The following ZNF521 variants were observed in gnomAD, a reference collection of about 807,000 sequenced individuals.
ZNF521 encodes LYST-interacting protein 3.
ZNF521 carries 14 observed loss-of-function variants against 105.5 expected under a neutral mutation model. The observed-to-expected ratio is 0.13, with a 90% CI of 0.09 to 0.21. The LOEUF (loss-of-function observed/expected upper bound fraction) is 0.21, where lower values mean the gene tolerates loss of function less well. Among genes scored for constraint, ZNF521 ranks in the 10% least tolerant of loss-of-function variants. The pLI is 1.00. For synonymous variants in ZNF521, 635 were observed against 606.0 expected (o/e 1.05, Z -0.70); for missense variants, 1,233 against 1,629.7 (o/e 0.76, Z 4.19).
In ZNF521 at chr18:25,226,101, G is replaced by C; in HGVS notation, c.1817C>G (p.Pro606Arg). The C allele has an allele frequency of 6.2e-7, 1 of 1,614,172 alleles. No homozygotes were observed. Among genetic ancestry groups the C allele is most frequent in the Non-Finnish European group, 8.5e-7 (1 of 1,180,038 alleles). ...HNGKKSRALSPLSPVAIEQTS... is the reference protein window; with the variant it reads ...HNGKKSRALSRLSPVAIEQTS... ...CTGCTCTATGGCCACAGGAGATAGG[G>C]GGCTTAAGGCCCTGGATTTCTTCCC... The change falls in exon 4 of 8, where the codon CCC becomes CGC. Residue 606 changes from proline (P) to arginine (R), a missense_variant. Coordinates refer to ENST00000361524, the MANE Select transcript of ZNF521 (RefSeq NM_015461.3). This position sits in a 1 kb window ranked among gnomAD's most constrained non-coding sequence, Gnocchi z 4.1.
chr18:25,227,596 C>T lies in ZNF521; in HGVS notation c.322G>A (p.Gly108Arg). 6.2e-7 allele frequency: 1 copy of T among 1,614,120 alleles called. No individual in the cohort carries two copies. Among genetic ancestry groups the T allele is most frequent in the Non-Finnish European group, 8.5e-7 (1 of 1,180,012 alleles). ...AGCCCAGGGCCACCTTCTTCCTCTCCAAAATCGCAACCTTCTCCATGGCTA... is the reference window on the plus strand; with the variant it reads ...AGCCCAGGGCCACCTTCTTCCTCTCTAAAATCGCAACCTTCTCCATGGCTA... ...SPSHGEGCDF[G>R]EEEGGPGLPY... is the part of the protein sequence containing the mutation. The change falls in exon 4 of 8, where the codon GGA becomes AGA. Residue 108 changes from glycine (G) to arginine (R), a missense_variant. This residue lies in a region of ZNF521 where 85 missense variants were observed against 162.2 expected (regional missense o/e 0.52). Coordinates refer to ENST00000361524, the MANE Select transcript of ZNF521 (RefSeq NM_015461.3). This position sits in a 1 kb window ranked among gnomAD's most constrained non-coding sequence, Gnocchi z 5.7.
rs539782409 is a variant in ZNF521 at position 25,320,225 on chromosome 18, T to C, written c.220+1783A>G. Among the ~76,000 whole-genome samples, 47 of 152,308 alleles carry C rather than the reference T, an allele frequency of 3.1e-4. No individual in the cohort carries two copies. The South Asian group carries it at 9.6e-3, about 31-fold the overall frequency. The stretch of plus-strand genomic sequence containing the variant: ...TTCGTTCTTGTTGCCCAGGCTGGAC[T>C]GCAATGGCGTGATCTCAGCTCACTG... On this transcript the variant is annotated intron_variant, in intron 3 of 7. Coordinates refer to ENST00000361524, the MANE Select transcript of ZNF521 (RefSeq NM_015461.3).
At chr18:25,110,580 A>C (rs2144296472) in intron 5 of ZNF521, among the ~76,000 whole-genome samples, 1 of 152,178 alleles carries the variant, frequency 6.6e-6, no homozygotes, top group South Asian at 2.1e-4. Context: ...TTGTATCCTC[A>C]AATAATTCAA....
chr18:25,077,489 C>G (rs779313212), intron 7 of ZNF521, among the ~76,000 whole-genome samples: 17 of 151,934 alleles, frequency 1.1e-4, no homozygotes, highest in Non-Finnish European at 1.9e-4. Context: ...CGCGTGCCCC[C>G]CACATAGCAG....
rs776855668 is a variant in ZNF521, at chr18:25,227,057, G to A, written c.861C>T (p.His287=). ...DRAALQCVYC[H]ELFVEETSLM... The stretch of plus-strand genomic sequence containing the variant: ...GGGAGGTCTCCTCTACGAAGAGCTC[G>A]TGGCAGTAGACACACTGGAGGGCCG... Residue 287 remains histidine, a synonymous_variant, in exon 4 of 8, where the codon CAC becomes CAT. Coordinates refer to ENST00000361524, the MANE Select transcript of ZNF521 (RefSeq NM_015461.3). This position sits in a 1 kb window ranked among gnomAD's most constrained non-coding sequence, Gnocchi z 5.7. 95 of 1,614,030 alleles carry A rather than the reference G, an allele frequency of 5.9e-5. No homozygotes were observed. Among genetic ancestry groups the A allele is most frequent in the Middle Eastern group, 1.6e-4 (1 of 6,084 alleles).
intron 4 of ZNF521, among the ~76,000 whole-genome samples, chr18:25,197,363 C>A (rs761588840): frequency 8.6e-5 from 13 of 151,762 alleles, no homozygotes; most frequent in Admixed American, 2.0e-4. Context: ...TCACATTTCC[C>A]AAATACAAAG....
At chr18:25,272,699 G>A (rs760839463) in intron 3 of ZNF521, among the ~76,000 whole-genome samples, 19 of 151,942 alleles carry the variant, frequency 1.3e-4, no homozygotes, top group Non-Finnish European at 2.4e-4. Flanking sequence ...AGTCACAAGC[G>A]GGAGTTGTAC....
At chr18:25,350,041 G>A (rs1242842611) in intron 2 of ZNF521, among the ~76,000 whole-genome samples, 1 of 151,256 alleles carries the variant, frequency 6.6e-6, no homozygotes, top group African/African-American at 2.4e-5. Context: ...GGCGGCCGAG[G>A]AGGAGGAGGA....
At chr18:25,181,369 C>T (rs960177632) in intron 5 of ZNF521, among the ~76,000 whole-genome samples, 7 of 152,130 alleles carry the variant, frequency 4.6e-5, no homozygotes, top group Admixed American at 6.5e-5. Context: ...GCCTGGCCCA[C>T]ACAAACCATA....
chr18:25,160,560 A>G (rs1281553547), intron 5 of ZNF521, among the ~76,000 whole-genome samples: 1 of 152,210 alleles, frequency 6.6e-6, no homozygotes, highest in African/African-American at 2.4e-5. Flanking sequence ...CCACTCATTC[A>G]GATGAATTTT....
intron 3 of ZNF521, among the ~76,000 whole-genome samples, chr18:25,234,010 T>C (rs2144765661): frequency 6.6e-6 from 1 of 152,310 alleles, no homozygotes; most frequent in Non-Finnish European, 1.5e-5. Flanking sequence ...AGGAAAAAGC[T>C]GACGTGAAAC....
intron 2 of ZNF521, among the ~76,000 whole-genome samples, chr18:25,334,002 G>A (rs1430664175): frequency 2.6e-5 from 4 of 152,270 alleles, no homozygotes; most frequent in Non-Finnish European, 5.9e-5. Context: ...AAAGACCTTT[G>A]AAAGTCTACT....
chr18:25,132,826 C>T (rs1004480739), intron 5 of ZNF521, among the ~76,000 whole-genome samples: 3 of 152,150 alleles, frequency 2.0e-5, no homozygotes, highest in Admixed American at 6.5e-5. Context: ...GAAAAAGGAA[C>T]ACGCTGCCTG....
At chr18:25,089,423 A>G in intron 7 of ZNF521, 42 bp downstream of exon 7, 1 of 1,440,802 alleles carries the variant, frequency 6.9e-7, no homozygotes, top group Non-Finnish European at 9.8e-7. Flanking sequence ...CTATAAGAAT[A>G]GCAACTGAGT....
Position 25,173,567 on chromosome 18 carries a change from A to C in ZNF521, c.3658+21593T>G, listed in dbSNP as rs1211716337. On this transcript the variant is annotated intron_variant, in intron 5 of 7. Transcript: ENST00000361524. ...CTGTAAATGTATCTGTAAATGTATC[A>C]TACAGCAGTATGTGGATGTTTTTAT... Among the ~76,000 whole-genome samples, 5 of 152,202 alleles carry C rather than the reference A, an allele frequency of 3.3e-5. No homozygotes were observed. In the East Asian group the frequency reaches 9.6e-4, roughly 29 times the overall value.
chr18:25,250,283 T>A (rs1198828542), intron 3 of ZNF521, among the ~76,000 whole-genome samples: 2 of 152,208 alleles, frequency 1.3e-5, no homozygotes, highest in Non-Finnish European at 2.9e-5. Flanking sequence ...TAGAATCTGT[T>A]TTATATTACT....
chr18:25,285,468 G>C (rs530130491), intron 3 of ZNF521, among the ~76,000 whole-genome samples: 2 of 152,350 alleles, frequency 1.3e-5, no homozygotes, highest in East Asian at 3.9e-4. Context: ...GCTCAGTGAA[G>C]TGTTAGGTGC....
rs2144730294 is a variant in ZNF521 at position 25,224,862 on chromosome 18, C to T, written c.3056G>A (p.Gly1019Asp). The T allele has an allele frequency of 6.2e-7, 1 of 1,614,018 alleles. No individual in the cohort carries two copies. The highest frequency in any genetic ancestry group is 1.1e-5 in the South Asian group (1 of 91,078). Residue 1019 changes from glycine to aspartate, a missense_variant, in exon 4 of 8, where the codon GGC becomes GAC. Coordinates refer to ENST00000361524, the MANE Select transcript of ZNF521 (RefSeq NM_015461.3). ...CTGCATGCACACCACGCAGCGAAAG[C>T]CTGTCAGGGAATTCCTCAAGTCAGG... ...MHPDLRNSLT[G>D]FRCVVCMQTV...
chr18:25,183,990 AT>A (rs1471019326), intron 5 of ZNF521, among the ~76,000 whole-genome samples: 3 of 152,168 alleles, frequency 2.0e-5, no homozygotes, highest in Admixed American at 6.6e-5. Context: ...GGGATGGTAT[AT>A]TTTTTGGTTC....
Sources: gnomAD v4.1 joint callset for allele counts (sites outside exome capture counted in the v4.1 genomes callset) on GRCh38, gnomAD v4.1.1 for gene constraint, gnomAD v4.1.1 regional missense constraint, Gnocchi (gnomAD v3.1) non-coding constraint, MANE v1.5 for transcripts, NCBI Gene and HGNC (gene_info 2026-07-23, HGNC 2026-07-21) for gene names.